THSD7B: variants seen among roughly 807,000 people sequenced by gnomAD.
THSD7B encodes the protein thrombospondin type-1 domain-containing protein 7B.
A neutral mutation model predicts 213.6 loss-of-function variants in THSD7B; 138 were observed. That is an observed-to-expected ratio of 0.65 (90% CI 0.56 to 0.74). THSD7B has a LOEUF of 0.74. Among genes scored for constraint, THSD7B ranks in the 30% least tolerant of loss-of-function variants. The probability of loss-of-function intolerance (pLI) is 0.00; values close to 1 mark genes in which losing one functional copy is unlikely to be tolerated. For synonymous variants in THSD7B, 742 were observed against 687.0 expected (o/e 1.08, Z -1.25); for missense variants, 1,931 against 1,991.5 (o/e 0.97, Z 0.58).
intron 7 of THSD7B, among the ~76,000 whole-genome samples, chr2:137,212,388 C>A (rs1681131836): frequency 6.6e-6 from 1 of 151,912 alleles, no homozygotes; most frequent in Admixed American, 6.6e-5. Flanking sequence ...TTATGAAAAG[C>A]CTTCATCAGA....
chr2:137,322,991 A>G (rs1684293215), intron 12 of THSD7B, among the ~76,000 whole-genome samples: 1 of 152,210 alleles, frequency 6.6e-6, no homozygotes, highest in South Asian at 2.1e-4. Flanking sequence ...TCGACAGGAC[A>G]GCTTCATGCC....
intron 4 of THSD7B, among the ~76,000 whole-genome samples, chr2:137,110,693 T>C (rs1688332372): frequency 6.6e-6 from 1 of 152,224 alleles, no homozygotes; most frequent in African/African-American, 2.4e-5. Context: ...GGAATTTGAA[T>C]TTACACAATT....
intron 15 of THSD7B, among the ~76,000 whole-genome samples, chr2:137,559,051 A>G (rs529510091): frequency 6.6e-6 from 1 of 152,328 alleles, no homozygotes; most frequent in Admixed American, 6.5e-5. Flanking sequence ...ACCACTGCTC[A>G]ATGAAATGAA....
chr2:137,527,456 A>G (rs1360009393), intron 15 of THSD7B, among the ~76,000 whole-genome samples: 1 of 152,156 alleles, frequency 6.6e-6, no homozygotes, highest in Non-Finnish European at 1.5e-5. Flanking sequence ...TTCTGTCATA[A>G]TAATAAAAAG....
At chr2:137,559,770 A>C (rs1681068000) in intron 15 of THSD7B, among the ~76,000 whole-genome samples, 1 of 152,224 alleles carries the variant, frequency 6.6e-6, no homozygotes, top group African/African-American at 2.4e-5. Flanking sequence ...CATCCAATTG[A>C]ACAGGCAACC....
chr2:137,160,838 G>A (rs907521935), intron 6 of THSD7B, among the ~76,000 whole-genome samples: 4 of 152,054 alleles, frequency 2.6e-5, no homozygotes, highest in Admixed American at 2.0e-4. Flanking sequence ...TTTCCAGGCT[G>A]GTCTCGAACT....
At position 137,092,625 on chromosome 2, in the gene THSD7B, A is replaced by G. The variant is rs556360370; in HGVS notation, c.951-2248A>G. On this transcript the variant is annotated intron_variant, in intron 3 of 27. Transcript: ENST00000409968. Reference sequence around the variant, plus strand: ...ATGTGTTTTCCCAAGTTAGAAATGAAACAATTTAAGACTTCTTCTTTTTTT... The same window carrying G: ...ATGTGTTTTCCCAAGTTAGAAATGAGACAATTTAAGACTTCTTCTTTTTTT... 9.2e-5 allele frequency among the ~76,000 whole-genome samples: 14 copies of G among 152,052 alleles called. No individual in the cohort carries two copies. The East Asian group carries it at 2.1e-3, about 23-fold the overall frequency.
At chr2:137,584,623 T>C (rs1020474506) in intron 17 of THSD7B, among the ~76,000 whole-genome samples, 4 of 152,214 alleles carry the variant, frequency 2.6e-5, no homozygotes, top group African/African-American at 4.8e-5. Flanking sequence ...GTTCTGTTTA[T>C]ATGCTGGATT....
At chr2:137,346,826 C>A (rs973229328) in intron 12 of THSD7B, among the ~76,000 whole-genome samples, 18 of 151,636 alleles carry the variant, frequency 1.2e-4, no homozygotes, top group African/African-American at 4.4e-4. Context: ...TTCATTCATT[C>A]ATTGGTCGAC....
chr2:136,768,953 A>AT (rs1026701234), intron 1 of THSD7B, among the ~76,000 whole-genome samples: 37 of 152,286 alleles, frequency 2.4e-4, no homozygotes, highest in East Asian at 1.2e-3. Context: ...AAGTAGAGGG[A>AT]TTTTTAACTC....
At chr2:136,882,056 C>T in intron 1 of THSD7B, 88 bp from the exon 2 acceptor site, 10 of 1,064,050 alleles carry the variant, frequency 9.4e-6, no homozygotes, top group East Asian at 6.2e-5. Flanking sequence ...CTTGCAATAC[C>T]ATCATAATAA....
chr2:137,537,098 C>T (rs1489131061), intron 15 of THSD7B, among the ~76,000 whole-genome samples: 1 of 151,670 alleles, frequency 6.6e-6, no homozygotes, highest in Non-Finnish European at 1.5e-5. Flanking sequence ...AGTGATACAC[C>T]CAAGTTTTGA....
At chr2:136,832,201 G>GTGTGTA (rs66731773) in intron 1 of THSD7B, among the ~76,000 whole-genome samples, 25,633 of 146,230 alleles carry the variant, frequency 0.18, 2,864 homozygotes, top group East Asian at 0.4. Context: ...GTGTGTGTGT[G>GTGTGTA]TATACACACA....
At chr2:137,095,236 A>T (rs1421998572) in intron 4 of THSD7B, 115 bp downstream of exon 4, 1 of 1,402,492 alleles carries the variant, frequency 7.1e-7, no homozygotes, top group South Asian at 1.4e-5. Flanking sequence ...CACTCAGTAT[A>T]CAAGTTCCAT....
At chr2:136,801,196 C>A (rs577047829) in intron 1 of THSD7B, among the ~76,000 whole-genome samples, 3 of 152,228 alleles carry the variant, frequency 2.0e-5, no homozygotes, top group African/African-American at 7.2e-5. Context: ...ACTGGGGAAT[C>A]AGGGACACAA....
intron 2 of THSD7B, among the ~76,000 whole-genome samples, chr2:136,900,890 GT>G (rs1272520748): frequency 6.6e-6 from 1 of 152,156 alleles, no homozygotes; most frequent in Non-Finnish European, 1.5e-5. Context: ...CTGCAAATGA[GT>G]AGGTGAGTAT....
chr2:137,650,610 A>G (rs1271182510), intron 21 of THSD7B, among the ~76,000 whole-genome samples: 1 of 152,188 alleles, frequency 6.6e-6, no homozygotes, highest in African/African-American at 2.4e-5. Context: ...TAAGACTTCC[A>G]GTATTATGTT....
rs114040065 is a variant in THSD7B at position 136,809,327 on chromosome 2, C to T, written c.-36+43640C>T. Among the ~76,000 whole-genome samples, 415 of 152,218 alleles carry T rather than the reference C, an allele frequency of 2.7e-3. 2 individuals carry two copies. The highest frequency in any genetic ancestry group is 9.2e-3 in the African/African-American group (382 of 41,526). ...GAACATTAGGGGCAAAGAGAAGACT[C>T]AGAGCAGATGCCTGAAAGCACAATG... On this transcript the variant is annotated intron_variant, in intron 1 of 27. Transcript: ENST00000409968.
intron 7 of THSD7B, among the ~76,000 whole-genome samples, chr2:137,190,297 G>A (rs780027799): frequency 1.3e-5 from 2 of 152,074 alleles, no homozygotes; most frequent in East Asian, 3.9e-4. Context: ...TGTACCAGGC[G>A]CTTAGTGCAT....
Sources: gnomAD v4.1 joint callset for allele counts (sites outside exome capture counted in the v4.1 genomes callset) on GRCh38, gnomAD v4.1.1 for gene constraint, MANE v1.5 for transcripts, NCBI Gene and HGNC (gene_info 2026-07-23, HGNC 2026-07-21) for gene names.